TAFA1: variants seen among roughly 807,000 people sequenced by gnomAD.
TAFA1 encodes TAFA chemokine like family member 1, also known as chemokine-like protein TAFA-1.
In TAFA1, 4 loss-of-function variants were observed where a neutral mutation model predicts 18.5. The observed-to-expected ratio is 0.22, with a 90% CI of 0.11 to 0.49. The LOEUF (loss-of-function observed/expected upper bound fraction) is 0.49, where lower values mean the gene tolerates loss of function less well. Among genes scored for constraint, TAFA1 ranks in the 20% least tolerant of loss-of-function variants. The probability of loss-of-function intolerance (pLI) is 0.98; values close to 1 mark genes in which losing one functional copy is unlikely to be tolerated. For missense variants in TAFA1, 147 were observed against 169.0 expected (o/e 0.87, Z 0.72); for synonymous variants, 56 against 55.2 (o/e 1.01, Z -0.06).
At chr3:68,362,407 G>T (rs1010702361) in intron 2 of TAFA1, among the ~76,000 whole-genome samples, 1 of 152,120 alleles carries the variant, frequency 6.6e-6, no homozygotes, top group Admixed American at 6.6e-5. Flanking sequence ...CTCACGGACT[G>T]AAGACGGAGA....
intron 2 of TAFA1, among the ~76,000 whole-genome samples, chr3:68,181,290 C>T (rs1429055053): frequency 6.6e-6 from 1 of 151,016 alleles, no homozygotes; most frequent in Admixed American, 6.6e-5. Context: ...TTGTTTTAAG[C>T]TGCTGAAATT....
At chr3:68,419,667 TC>T (rs1023677777) in intron 3 of TAFA1, among the ~76,000 whole-genome samples, 1 of 152,128 alleles carries the variant, frequency 6.6e-6, no homozygotes, top group Non-Finnish European at 1.5e-5. Context: ...TGAACCTGAA[TC>T]CCTTGGCTTG....
chr3:68,438,976 T>C (rs1168569455), intron 3 of TAFA1, among the ~76,000 whole-genome samples: 1 of 152,126 alleles, frequency 6.6e-6, no homozygotes, highest in Non-Finnish European at 1.5e-5. Flanking sequence ...TCTGCCTTCC[T>C]AGCCCCCTGG....
intron 2 of TAFA1, among the ~76,000 whole-genome samples, chr3:68,040,486 G>A (rs570166781): frequency 1.3e-5 from 2 of 152,256 alleles, no homozygotes; most frequent in East Asian, 3.9e-4. Context: ...TGTAAACTCT[G>A]TGTCCAAGAA....
intron 3 of TAFA1, among the ~76,000 whole-genome samples, chr3:68,445,144 T>C (rs770704070): frequency 3.9e-5 from 6 of 152,180 alleles, no homozygotes; most frequent in Non-Finnish European, 8.8e-5. Flanking sequence ...TTTCATACAT[T>C]ATAAACTTTG....
At chr3:68,142,296 A>G (rs2065676431) in intron 2 of TAFA1, among the ~76,000 whole-genome samples, 1 of 152,364 alleles carries the variant, frequency 6.6e-6, no homozygotes, top group South Asian at 2.1e-4. Context: ...TAAAGTGCCC[A>G]AGATCACACA....
chr3:68,389,149 A>G (rs1042420124), intron 2 of TAFA1, among the ~76,000 whole-genome samples: 1 of 152,178 alleles, frequency 6.6e-6, no homozygotes, highest in Non-Finnish European at 1.5e-5. Flanking sequence ...ATGCCTAGAC[A>G]GTCTTTATTC....
intron 2 of TAFA1, among the ~76,000 whole-genome samples, chr3:68,170,823 A>T (rs1338054204): frequency 1.3e-5 from 2 of 152,084 alleles, no homozygotes; most frequent in Non-Finnish European, 2.9e-5. Flanking sequence ...TTAAGCAGAG[A>T]CATAGAGACT....
At chr3:68,234,869 T>C (rs1460652403) in intron 2 of TAFA1, among the ~76,000 whole-genome samples, 2 of 152,174 alleles carry the variant, frequency 1.3e-5, no homozygotes, top group Admixed American at 6.5e-5. Context: ...ATTCAAACAA[T>C]GTAGTTTGAC....
chr3:68,468,781 G>T (rs1312053306), intron 3 of TAFA1, among the ~76,000 whole-genome samples: 4 of 152,046 alleles, frequency 2.6e-5, no homozygotes, highest in African/African-American at 9.7e-5. Context: ...TTTTTCACTG[G>T]GTAGCTACAT....
rs145539567 is a variant in TAFA1, at chr3:68,367,747, C to CTGTT, written c.119-49517_119-49514dup. On this transcript the variant is annotated intron_variant, in intron 2 of 4. Transcript: ENST00000478136. ...CCATGCATCTGCTCGCTTGTGTTGCCTGTTTGTTTGTTTGTTTGTCTTAAA... is the reference window on the plus strand; with the variant it reads ...CCATGCATCTGCTCGCTTGTGTTGCCTGTTTGTTTGTTTGTTTGTTTGTCTTAAA... Among the ~76,000 whole-genome samples the CTGTT allele has an allele frequency of 7.8e-3, 1,187 of 152,016 alleles. 14 individuals carry two copies. Among genetic ancestry groups the CTGTT allele is most frequent in the African/African-American group, 0.027 (1,105 of 41,474 alleles).
At chr3:68,505,502 G>A (rs555850026) in intron 3 of TAFA1, among the ~76,000 whole-genome samples, 1 of 152,248 alleles carries the variant, frequency 6.6e-6, no homozygotes, top group African/African-American at 2.4e-5. Context: ...TGTGTCAGAA[G>A]TTCAGGAATG....
chr3:68,499,591 G>T (rs927234904), intron 3 of TAFA1, among the ~76,000 whole-genome samples: 5 of 151,458 alleles, frequency 3.3e-5, no homozygotes, highest in African/African-American at 1.2e-4. Flanking sequence ...TTATCTTATG[G>T]GCGAGGGCCA....
At chr3:68,124,490 C>T (rs1411604291) in intron 2 of TAFA1, among the ~76,000 whole-genome samples, 1 of 152,162 alleles carries the variant, frequency 6.6e-6, no homozygotes, top group African/African-American at 2.4e-5. Flanking sequence ...CTACTCATAG[C>T]ATTTTGTTCA....
intron 2 of TAFA1, among the ~76,000 whole-genome samples, chr3:68,311,885 T>C (rs1441013522): frequency 6.6e-6 from 1 of 152,206 alleles, no homozygotes; most frequent in African/African-American, 2.4e-5. Flanking sequence ...CCTTCCACAC[T>C]ACCCTAGCAG....
intron 2 of TAFA1, among the ~76,000 whole-genome samples, chr3:68,286,559 T>G (rs1263380870): frequency 6.6e-6 from 1 of 152,050 alleles, no homozygotes; most frequent in East Asian, 1.9e-4. Flanking sequence ...CAAAGAAGGA[T>G]TAATAAGGAA....
At chr3:68,129,638 T>C (rs1277461635) in intron 2 of TAFA1, among the ~76,000 whole-genome samples, 2 of 152,206 alleles carry the variant, frequency 1.3e-5, no homozygotes, top group Non-Finnish European at 2.9e-5. Context: ...AATTATACGT[T>C]ACATATTATA....
chr3:68,182,602 GAAC>G (rs2066218762), intron 2 of TAFA1, among the ~76,000 whole-genome samples: 1 of 152,042 alleles, frequency 6.6e-6, no homozygotes, highest in African/African-American at 2.4e-5. Flanking sequence ...ACATTAACAT[GAAC>G]AACATCCAAC....
chr3:68,353,228 A>T (rs975221225), intron 2 of TAFA1, among the ~76,000 whole-genome samples: 1 of 152,076 alleles, frequency 6.6e-6, no homozygotes, highest in Non-Finnish European at 1.5e-5. Context: ...AGCACCAAGC[A>T]CTAGTAGTCT....
Sources: gnomAD v4.1 joint callset for allele counts (sites outside exome capture counted in the v4.1 genomes callset) on GRCh38, gnomAD v4.1.1 for gene constraint, MANE v1.5 for transcripts, NCBI Gene and HGNC (gene_info 2026-07-23, HGNC 2026-07-21) for gene names.